The following AGPAT4 variants were observed in gnomAD, a reference collection of about 807,000 sequenced individuals.
AGPAT4 encodes the protein 1-acylglycerol-3-phosphate O-acyltransferase 4.
In AGPAT4, 15 loss-of-function variants were observed where a neutral mutation model predicts 48.0. The ratio of observed to expected loss-of-function variants is 0.31; its 90% CI spans 0.21 to 0.48. AGPAT4 has a LOEUF of 0.48. AGPAT4 is among the 20% of genes least tolerant of loss of function. The pLI is 0.99. For missense variants in AGPAT4, 314 were observed against 482.5 expected, an observed-to-expected ratio of 0.65 and a Z score of 3.27; for synonymous variants, 178 against 198.7, an observed-to-expected ratio of 0.90 and a Z score of 0.88.
chr6:161,231,887 A>T lies in AGPAT4; in HGVS notation c.178+149T>A. On this transcript the variant is annotated intron_variant, in intron 2 of 8. Coordinates refer to ENST00000320285, the MANE Select transcript of AGPAT4 (RefSeq NM_020133.3). This position sits in a 1 kb window ranked among gnomAD's most constrained non-coding sequence, Gnocchi z 5.3. ...AAAAAATAATTTTGGGGGATTGAGA[A>T]CAAAATAGCCATTTCAAACCTAAAA... is the stretch of plus-strand genomic sequence containing the variant. 1 of 758,654 alleles carries T rather than the reference A, an allele frequency of 1.3e-6. No homozygotes were observed. Among genetic ancestry groups the T allele is most frequent in the South Asian group, 2.3e-5 (1 of 43,378 alleles). 47.0% of individuals were successfully genotyped at this position (758,654 alleles called of 1,614,324 possible). A position where few individuals can be genotyped will look rare whatever the true frequency, so the allele number is the denominator to read the frequency against.
Position 161,254,672 on chromosome 6 carries a change from C to T in AGPAT4, c.-90+19266G>A, listed in dbSNP as rs977829279. Among the ~76,000 whole-genome samples, 1 of 152,158 alleles carries T rather than the reference C, an allele frequency of 6.6e-6. No homozygotes were observed. The highest frequency in any genetic ancestry group is 6.5e-5 in the Admixed American group (1 of 15,274). On this transcript the variant is annotated intron_variant, in intron 1 of 8. Transcript: ENST00000320285. The surrounding 1 kb of genome is among the most constrained non-coding windows in gnomAD (Gnocchi z 5.9). ...TCCACTCAGTCCTTCTCATGGAAAG[C>T]AGCATGGGTTAGCAAATCCTTAGAT...
rs1451299841 is a variant in AGPAT4, at chr6:161,214,982, A to G, written c.178+17054T>C. 6.6e-6 allele frequency among the ~76,000 whole-genome samples: 1 copy of G among 152,164 alleles called. No homozygotes were observed. The highest frequency in any genetic ancestry group is 1.5e-5 in the Non-Finnish European group (1 of 68,018). On this transcript the variant is annotated intron_variant, in intron 2 of 8. Coordinates refer to ENST00000320285, the MANE Select transcript of AGPAT4 (RefSeq NM_020133.3). The surrounding 1 kb of genome is among the most constrained non-coding windows in gnomAD (Gnocchi z 5.4). The stretch of plus-strand genomic sequence containing the variant: ...AGACTGAGACAAAGGCAACAGGCCC[A>G]TCTGCAGTTTCAAAAAATCAGACCA...
intron 1 of AGPAT4, among the ~76,000 whole-genome samples, chr6:161,248,370 C>T (rs924385901): frequency 1.3e-5 from 2 of 151,930 alleles, no homozygotes; most frequent in East Asian, 3.9e-4. Flanking sequence ...GTCAGGAGAT[C>T]GAGACCATAC....
At position 161,166,358 on chromosome 6, in the gene AGPAT4, G is replaced by C; in HGVS notation, c.238C>G (p.Arg80Gly). The C allele has an allele frequency of 1.9e-6, 3 of 1,614,086 alleles. No individual in the cohort carries two copies. Among genetic ancestry groups the C allele is most frequent in the Non-Finnish European group, 2.5e-6 (3 of 1,180,010 alleles). ...TCCTTCCCATACTTGAGGTAGGCGCGCGGGTCCGTGAAGATGGTGCATTCC... is the reference window on the plus strand; with the variant it reads ...TCCTTCCCATACTTGAGGTAGGCGCCCGGGTCCGTGAAGATGGTGCATTCC... ...GTECTIFTDP[R>G]AYLKYGKENA... The change falls in exon 3 of 9, where the codon CGC (arginine) becomes GGC (glycine). Residue 80 changes from arginine (R) to glycine (G), a missense_variant. By Grantham distance (125) the Arg-to-Gly change is moderately radical. Coordinates refer to ENST00000320285, the MANE Select transcript of AGPAT4 (RefSeq NM_020133.3). The surrounding 1 kb of genome is among the most constrained non-coding windows in gnomAD (Gnocchi z 6.7).
At chr6:161,224,465 G>A (rs959108685) in intron 2 of AGPAT4, among the ~76,000 whole-genome samples, 2 of 151,894 alleles carry the variant, frequency 1.3e-5, no homozygotes, top group Non-Finnish European at 2.9e-5. Flanking sequence ...GCAACATGGT[G>A]AAACCCCATC....
intron 1 of AGPAT4, among the ~76,000 whole-genome samples, chr6:161,256,464 C>T (rs191597918): frequency 2.6e-5 from 4 of 152,370 alleles, no homozygotes; most frequent in Admixed American, 2.6e-4. Flanking sequence ...TTCCTCACCA[C>T]CAGCGCTGCT....
intron 1 of AGPAT4, among the ~76,000 whole-genome samples, chr6:161,269,433 A>G (rs1401563771): frequency 6.6e-6 from 1 of 152,260 alleles, no homozygotes; most frequent in Non-Finnish European, 1.5e-5. Flanking sequence ...AAAATTGTTC[A>G]ATGAAAGAAG....
At chr6:161,209,472 T>C (rs1432791816) in intron 2 of AGPAT4, among the ~76,000 whole-genome samples, 1 of 152,220 alleles carries the variant, frequency 6.6e-6, no homozygotes, top group Non-Finnish European at 1.5e-5. Flanking sequence ...AACTTTTCTG[T>C]TCCCTTTGTT....
At chr6:161,248,509 G>A (rs1182000366) in intron 1 of AGPAT4, among the ~76,000 whole-genome samples, 2 of 148,800 alleles carry the variant, frequency 1.3e-5, no homozygotes, top group Non-Finnish European at 3.0e-5. Flanking sequence ...GGGAGGTGGA[G>A]CTTGCAGTGA....
At chr6:161,172,206 C>T (rs1358644341) in intron 2 of AGPAT4, among the ~76,000 whole-genome samples, 1 of 152,178 alleles carries the variant, frequency 6.6e-6, no homozygotes, top group Non-Finnish European at 1.5e-5. Context: ...CTGTAAATGA[C>T]CTGCACTAAG....
intron 3 of AGPAT4, among the ~76,000 whole-genome samples, chr6:161,156,693 A>G (rs1779777617): frequency 6.6e-6 from 1 of 152,248 alleles, no homozygotes; most frequent in African/African-American, 2.4e-5. Flanking sequence ...AACTGGCCAT[A>G]AACAAAATCT....
In AGPAT4 at chr6:161,221,269, T is replaced by C. The variant is rs1236163442; in HGVS notation, c.178+10767A>G. Among the ~76,000 whole-genome samples the C allele has an allele frequency of 6.6e-6, 1 of 152,144 alleles. No homozygotes were observed. The highest frequency in any genetic ancestry group is 1.5e-5 in the Non-Finnish European group (1 of 68,034). On this transcript the variant is annotated intron_variant, in intron 2 of 8. Coordinates refer to ENST00000320285, the MANE Select transcript of AGPAT4 (RefSeq NM_020133.3). This position sits in a 1 kb window ranked among gnomAD's most constrained non-coding sequence, Gnocchi z 4.5. ...GGCAACTGGCCCCAGATGAGGTTCCTACACAGTTTATATACAGTTTGTCAC... is the reference window on the plus strand; with the variant it reads ...GGCAACTGGCCCCAGATGAGGTTCCCACACAGTTTATATACAGTTTGTCAC...
rs1781535293 is a variant in AGPAT4, at chr6:161,212,029, T to A, written c.178+20007A>T. On this transcript the variant is annotated intron_variant, in intron 2 of 8. Coordinates refer to ENST00000320285, the MANE Select transcript of AGPAT4 (RefSeq NM_020133.3). This position sits in a 1 kb window ranked among gnomAD's most constrained non-coding sequence, Gnocchi z 6.1. ...TAAGTTCAGTTTCTCTATAAATTAA[T>A]CATTAATGTTGAAGGGCACACTGAT... is the stretch of plus-strand genomic sequence containing the variant. Among the ~76,000 whole-genome samples, 1 of 152,184 alleles carries A rather than the reference T, an allele frequency of 6.6e-6. No individual in the cohort carries two copies. Among genetic ancestry groups the A allele is most frequent in the Non-Finnish European group, 1.5e-5 (1 of 68,028 alleles).
At chr6:161,213,196 A>G (rs1781562314) in intron 2 of AGPAT4, among the ~76,000 whole-genome samples, 1 of 152,248 alleles carries the variant, frequency 6.6e-6, no homozygotes, top group South Asian at 2.1e-4. Flanking sequence ...GCTTTAAAAA[A>G]GTCTTATCTG....
rs1781053632 is a variant in AGPAT4, at chr6:161,195,876, C to T, written c.179-29459G>A. Among the ~76,000 whole-genome samples, 1 of 152,192 alleles carries T rather than the reference C, an allele frequency of 6.6e-6. No homozygotes were observed. The highest frequency in any genetic ancestry group is 6.5e-5 in the Admixed American group (1 of 15,274). ...TGATTGTCTAGCGTTGGCATTAGGG[C>T]AAGTCTTGAATGTGAATGTTCTCAA... On this transcript the variant is annotated intron_variant, in intron 2 of 8. Transcript: ENST00000320285. This position sits in a 1 kb window ranked among gnomAD's most constrained non-coding sequence, Gnocchi z 5.0.
rs541135198 is a variant in AGPAT4 at position 161,267,167 on chromosome 6, T to C, written c.-90+6771A>G. 5.9e-5 allele frequency among the ~76,000 whole-genome samples: 9 copies of C among 152,312 alleles called. No individual in the cohort carries two copies. In the South Asian group the frequency reaches 1.9e-3, roughly 32 times the overall value. ...TGAGAAGAGTTCATCTTTAATTTAA[T>C]GTATGTACTGCATTGTCACTCAGAT... On this transcript the variant is annotated intron_variant, in intron 1 of 8. Transcript: ENST00000320285. The surrounding 1 kb of genome is among the most constrained non-coding windows in gnomAD (Gnocchi z 5.2).
chr6:161,208,578 A>G lies in AGPAT4; in HGVS notation c.178+23458T>C, dbSNP rs1478707616. Among the ~76,000 whole-genome samples the G allele has an allele frequency of 6.6e-6, 1 of 152,194 alleles. No individual in the cohort carries two copies. Among genetic ancestry groups the G allele is most frequent in the East Asian group, 1.9e-4 (1 of 5,198 alleles). On this transcript the variant is annotated intron_variant, in intron 2 of 8. Coordinates refer to ENST00000320285, the MANE Select transcript of AGPAT4 (RefSeq NM_020133.3). The surrounding 1 kb of genome is among the most constrained non-coding windows in gnomAD (Gnocchi z 4.6). ...GGTCAAATTTGAATTCACTTAAAAC[A>G]ACGATAGCAAAAAAATACTTGCAAT...
At position 161,138,133 on chromosome 6, in the gene AGPAT4, C is replaced by G. The variant is rs372653308; in HGVS notation, c.1042+1289G>C. On this transcript the variant is annotated intron_variant, in intron 8 of 8. Transcript: ENST00000320285. This position sits in a 1 kb window ranked among gnomAD's most constrained non-coding sequence, Gnocchi z 4.8. ...CAGCTGCCCCGGACCCTTGGCCAGC[C>G]TCAGCATGGCGGGGCATGGGGGTGC... Among the ~76,000 whole-genome samples, 931 of 152,338 alleles carry G rather than the reference C, an allele frequency of 6.1e-3. 6 individuals are homozygous for G. Among genetic ancestry groups the G allele is most frequent in the Non-Finnish European group, 8.7e-3 (594 of 68,016 alleles).
Position 161,141,256 on chromosome 6 carries a change from C to T in AGPAT4, c.844-1636G>A, listed in dbSNP as rs1477638473. On this transcript the variant is annotated intron_variant, in intron 7 of 8. Transcript: ENST00000320285. The surrounding 1 kb of genome is among the most constrained non-coding windows in gnomAD (Gnocchi z 6.7). ...GCCTGGTCCGAAGCGTCACTTGTCG[C>T]GTGACTCTGCTGTTGGACATCAGCC... Among the ~76,000 whole-genome samples, 4 of 152,206 alleles carry T rather than the reference C, an allele frequency of 2.6e-5. No homozygotes were observed. In the South Asian group the frequency reaches 6.2e-4, roughly 24 times the overall value.
Sources: gnomAD v4.1 joint callset for allele counts (sites outside exome capture counted in the v4.1 genomes callset) on GRCh38, gnomAD v4.1.1 for gene constraint, Gnocchi (gnomAD v3.1) non-coding constraint, MANE v1.5 for transcripts, NCBI Gene and HGNC (gene_info 2026-07-23, HGNC 2026-07-21) for gene names.